Variants in GOLM2 observed in about 807,000 individuals in gnomAD.
GOLM2 encodes golgi membrane protein 2, also known as protein GOLM2.
A neutral mutation model predicts 55.9 loss-of-function variants in GOLM2; 26 were observed. The ratio of observed to expected loss-of-function variants is 0.47; its 90% CI spans 0.34 to 0.65. The LOEUF is 0.65. GOLM2 is among the 30% of genes least tolerant of loss of function. The pLI is 0.01. For missense variants in GOLM2, 486 were observed against 531.8 expected (o/e 0.91, Z 0.85); for synonymous variants, 165 against 194.6 (o/e 0.85, Z 1.27).
intron 8 of GOLM2, among the ~76,000 whole-genome samples, chr15:44,381,482 T>C (rs2079402669): frequency 6.6e-6 from 1 of 152,208 alleles, no homozygotes; most frequent in Non-Finnish European, 1.5e-5. Context: ...ATTCTAGTAG[T>C]AGAATTTGAG....
rs1004552887 is a variant in GOLM2, at chr15:44,414,353, T to C, written c.*947T>C. The C allele has an allele frequency of 6.6e-6, 1 of 152,222 alleles. No homozygotes were observed. The highest frequency in any genetic ancestry group is 2.4e-5 in the African/African-American group (1 of 41,462). 9.4% of individuals were successfully genotyped at this position (152,222 alleles called of 1,614,324 possible). On this transcript the variant is annotated 3_prime_UTR_variant, in exon 10 of 10. Transcript: ENST00000299957. ...CTTTCAGCTGAGGCCTGATGGAAAT[T>C]GAGATAACCTGCAAAGACATAACAG... is the stretch of plus-strand genomic sequence containing the variant.
intron 7 of GOLM2, 115 bp from the exon 8 acceptor site, chr15:44,380,691 C>T: frequency 1.7e-6 from 1 of 585,908 alleles, no homozygotes; most frequent in Non-Finnish European, 2.5e-6. Flanking sequence ...AGCTTTGTGG[C>T]TACCCAATGT....
Position 44,414,565 on chromosome 15 carries a change from G to T in GOLM2, c.*1159G>T, listed in dbSNP as rs2079661079. 1 of 152,176 alleles carries T rather than the reference G, an allele frequency of 6.6e-6. No individual in the cohort carries two copies. Among genetic ancestry groups the T allele is most frequent in the African/African-American group, 2.4e-5 (1 of 41,460 alleles). 9.4% of individuals were successfully genotyped at this position (152,176 alleles called of 1,614,324 possible). A position where few individuals can be genotyped will look rare whatever the true frequency, so the allele number is the denominator to read the frequency against. ...ATTTAAACACCAGATCCTGAAAGGG[G>T]TTAAATCTACTTTGAAATGAATCTG... On this transcript the variant is annotated 3_prime_UTR_variant, in exon 10 of 10. Coordinates refer to ENST00000299957, the MANE Select transcript of GOLM2 (RefSeq NM_138423.4).
chr15:44,317,534 C>T (rs775060691), intron 1 of GOLM2, among the ~76,000 whole-genome samples: 4 of 152,158 alleles, frequency 2.6e-5, no homozygotes, highest in African/African-American at 7.2e-5. Flanking sequence ...GAAGTTATTA[C>T]GGAGCAGTTC....
At chr15:44,308,039 C>A (rs889195093) in intron 1 of GOLM2, 5 of 152,152 alleles carry the variant, frequency 3.3e-5, no homozygotes, top group African/African-American at 1.2e-4. Flanking sequence ...ATTGTTATTA[C>A]TATTTTATTG....
chr15:44,317,529 T>C (rs1213867872), intron 1 of GOLM2, among the ~76,000 whole-genome samples: 1 of 152,178 alleles, frequency 6.6e-6, no homozygotes, highest in Non-Finnish European at 1.5e-5. Context: ...AATTGGAAGT[T>C]ATTACGGAGC....
At chr15:44,397,252 G>T (rs2079532478) in intron 8 of GOLM2, among the ~76,000 whole-genome samples, 2 of 151,966 alleles carry the variant, frequency 1.3e-5, no homozygotes, top group African/African-American at 4.8e-5. Flanking sequence ...GGCCGAGGCA[G>T]GCCGATCACG....
chr15:44,383,667 CT>C (rs1328817225), intron 8 of GOLM2, among the ~76,000 whole-genome samples: 7 of 141,582 alleles, frequency 4.9e-5, no homozygotes, highest in Admixed American at 2.1e-4. Context: ...TTTTCTTTTT[CT>C]TTTTTTCTTT....
At chr15:44,309,557 C>CT (rs150453868) in intron 1 of GOLM2, among the ~76,000 whole-genome samples, 1 of 151,982 alleles carries the variant, frequency 6.6e-6, no homozygotes, top group Non-Finnish European at 1.5e-5. Context: ...AAGCTAAAGA[C>CT]TTTTTTTTCT....
At chr15:44,366,527 G>C (rs943625962) in intron 6 of GOLM2, among the ~76,000 whole-genome samples, 4 of 152,110 alleles carry the variant, frequency 2.6e-5, no homozygotes, top group African/African-American at 7.2e-5. Flanking sequence ...CCAGCTACTT[G>C]GGAGGCTGAA....
chr15:44,316,364 G>A (rs2078909651), intron 1 of GOLM2, among the ~76,000 whole-genome samples: 1 of 152,114 alleles, frequency 6.6e-6, no homozygotes, highest in Non-Finnish European at 1.5e-5. Context: ...CTATGAGAAG[G>A]AATAGTTAGA....
chr15:44,289,180 G>A lies in GOLM2; in HGVS notation c.151G>A (p.Gly51Ser), dbSNP rs754493932. Residue 51 changes from glycine (G) to serine (S), a missense_variant, in exon 1 of 10, where the codon GGC (glycine) becomes AGC (serine). Physicochemically the swap from Gly to Ser is moderately conservative, Grantham distance 56. Transcript: ENST00000299957. This position sits in a 1 kb window ranked among gnomAD's most constrained non-coding sequence, Gnocchi z 4.8. ...TCAGGAGGAGGTGGCCGAGCTGCAG[G>A]GCCAGGTCCAGCGCACCGAAGTGGC... Reference protein sequence around the residue: ...LLQEEVAELQGQVQRTEVARG... With the variant: ...LLQEEVAELQSQVQRTEVARG... 2 of 1,614,192 alleles carry A rather than the reference G, an allele frequency of 1.2e-6. No individual in the cohort carries two copies. Among genetic ancestry groups the A allele is most frequent in the South Asian group, 2.2e-5 (2 of 91,088 alleles).
chr15:44,380,897 C>G lies in GOLM2; in HGVS notation c.993C>G (p.Asp331Glu). The G allele has an allele frequency of 1.2e-6, 2 of 1,602,250 alleles. No homozygotes were observed. Among genetic ancestry groups the G allele is most frequent in the Non-Finnish European group, 1.7e-6 (2 of 1,173,822 alleles). Residue 331 changes from aspartate to glutamate, a missense_variant, in exon 8 of 10, where the codon GAC becomes GAG. Physicochemically the swap from Asp to Glu is conservative, Grantham distance 45 (BLOSUM62 2). Transcript: ENST00000299957. The part of the protein sequence containing the change: ...LQRLIPGSNL[D>E]SEPRIQTDIL... ...GTTTAATTCCAGGCTCAAACTTGGA[C>G]AGTGAACCCAGAATTCAAACAGATA... is the stretch of plus-strand genomic sequence containing the variant.
intron 1 of GOLM2, among the ~76,000 whole-genome samples, chr15:44,320,228 A>G (rs1025132254): frequency 6.6e-6 from 1 of 152,120 alleles, no homozygotes; most frequent in Non-Finnish European, 1.5e-5. Flanking sequence ...ATGTTTTCCA[A>G]GCTCATCCAT....
At chr15:44,293,209 A>G (rs1181433606) in intron 1 of GOLM2, among the ~76,000 whole-genome samples, 3 of 152,232 alleles carry the variant, frequency 2.0e-5, no homozygotes, top group African/African-American at 7.2e-5. Context: ...GGTGTGAGCT[A>G]CCATACCTGG....
intron 1 of GOLM2, among the ~76,000 whole-genome samples, chr15:44,318,589 G>A (rs149573628): frequency 6.6e-6 from 1 of 151,988 alleles, no homozygotes. Flanking sequence ...TGTGCCTGTA[G>A]TCCAAGCTAC....
chr15:44,366,311 AAAAC>A (rs2079284958), intron 6 of GOLM2, among the ~76,000 whole-genome samples: 4 of 144,524 alleles, frequency 2.8e-5, no homozygotes, highest in Non-Finnish European at 6.2e-5. Flanking sequence ...AAAAAAAAAA[AAAAC>A]AAAACAAACA....
At chr15:44,406,842 T>C (rs1251958650) in intron 9 of GOLM2, 1 of 152,024 alleles carries the variant, frequency 6.6e-6, no homozygotes, top group African/African-American at 2.4e-5. Flanking sequence ...CACCTAAATA[T>C]ACTTTGGCTT....
intron 9 of GOLM2, among the ~76,000 whole-genome samples, chr15:44,404,634 C>G (rs2079586093): frequency 6.6e-6 from 1 of 151,638 alleles, no homozygotes; most frequent in Non-Finnish European, 1.5e-5. Flanking sequence ...CGTTTTAAGG[C>G]TTTTTCATGC....
Sources: gnomAD v4.1 joint callset for allele counts (sites outside exome capture counted in the v4.1 genomes callset) on GRCh38, gnomAD v4.1.1 for gene constraint, Gnocchi (gnomAD v3.1) non-coding constraint, MANE v1.5 for transcripts, NCBI Gene and HGNC (gene_info 2026-07-23, HGNC 2026-07-21) for gene names.